The following AHRR variants were observed in gnomAD, a reference collection of about 807,000 sequenced individuals.
AHRR encodes the protein aryl hydrocarbon receptor repressor.
In AHRR, 28 loss-of-function variants were observed where a neutral mutation model predicts 44.0. The ratio of observed to expected loss-of-function variants is 0.64; its 90% confidence interval spans 0.47 to 0.87. The LOEUF (loss-of-function observed/expected upper bound fraction) is 0.87, where lower values mean the gene tolerates loss of function less well. Among genes scored for constraint, AHRR ranks in the 40% least tolerant of loss-of-function variants. AHRR has a pLI of 0.00. For synonymous variants in AHRR, 434 were observed against 407.0 expected (o/e 1.07, Z -0.80); for missense variants, 990 against 953.9 (o/e 1.04, Z -0.50).
chr5:386,171 A>G (rs1008499608), intron 4 of AHRR, among the ~76,000 whole-genome samples: 6 of 151,852 alleles, frequency 4.0e-5, no homozygotes, highest in African/African-American at 7.3e-5. Flanking sequence ...TAAGATCCTT[A>G]TCTATCATTA....
intron 1 of AHRR, among the ~76,000 whole-genome samples, chr5:340,832 G>T (rs1422571692): frequency 1.4e-5 from 2 of 146,832 alleles, no homozygotes; most frequent in African/African-American, 5.1e-5. Context: ...AAGTAGCTGG[G>T]ATTACAGGCA....
intron 5 of AHRR, among the ~76,000 whole-genome samples, chr5:420,259 C>G (rs548642066): frequency 1.3e-5 from 2 of 152,340 alleles, no homozygotes; most frequent in African/African-American, 4.8e-5. Context: ...AACCTGTTTT[C>G]ATAGAACAGG....
chr5:343,126 C>T (rs1226550215), intron 1 of AHRR, among the ~76,000 whole-genome samples: 3 of 152,070 alleles, frequency 2.0e-5, no homozygotes, highest in Non-Finnish European at 2.9e-5. Flanking sequence ...TGCTGTTGCC[C>T]TGCATGCGCT....
At chr5:408,524 T>C (rs1201961898) in intron 4 of AHRR, among the ~76,000 whole-genome samples, 4 of 152,210 alleles carry the variant, frequency 2.6e-5, no homozygotes, top group Non-Finnish European at 5.9e-5. Flanking sequence ...CTTTCATCCT[T>C]GGATTATATC....
intron 4 of AHRR, chr5:403,853 C>A: frequency 1.9e-6 from 3 of 1,578,106 alleles, no homozygotes; most frequent in South Asian, 2.2e-5. Context: ...GGACAAAGAA[C>A]CCACATTAAA....
intron 3 of AHRR, chr5:367,695 C>T (rs1743409848): frequency 1.6e-6 from 1 of 611,326 alleles, no homozygotes; most frequent in South Asian, 1.9e-5. Flanking sequence ...CTTTTAACAT[C>T]ACAGCCTCTG....
intron 4 of AHRR, among the ~76,000 whole-genome samples, chr5:389,974 T>C (rs1393587073): frequency 2.3e-5 from 3 of 130,040 alleles, no homozygotes; most frequent in Admixed American, 7.7e-5. Context: ...GGACAGAGGC[T>C]GGAAAGGACA....
Position 423,020 on chromosome 5 carries a change from C to G in AHRR, c.571+162C>G, listed in dbSNP as rs1579701984. On this transcript the variant is annotated intron_variant, in intron 6 of 10. Transcript: ENST00000684583. ...TTTCTTCAGAGGCCTCCTCCCATGT[C>G]CCTCCCTGTCCTCTGATTCGGCTGC... is the stretch of plus-strand genomic sequence containing the variant. Among the ~76,000 whole-genome samples, 4 of 152,186 alleles carry G rather than the reference C, an allele frequency of 2.6e-5. No homozygotes were observed. In the East Asian group the frequency reaches 7.7e-4, roughly 29 times the overall value.
chr5:328,255 ATTTTTTTTTTT>A (rs70955232), intron 1 of AHRR, among the ~76,000 whole-genome samples: 10 of 54,254 alleles, frequency 1.8e-4, no homozygotes, highest in East Asian at 7.5e-4. Context: ...CCAACATCTG[ATTTTTTTTTTT>A]TTTTTTTTTT....
intron 1 of AHRR, among the ~76,000 whole-genome samples, chr5:329,301 A>C (rs1741834917): frequency 6.6e-6 from 1 of 152,018 alleles, no homozygotes; most frequent in Non-Finnish European, 1.5e-5. Flanking sequence ...TGGGCCCAAG[A>C]GATTGTCTGG....
At chr5:408,473 A>G (rs1240124773) in intron 4 of AHRR, among the ~76,000 whole-genome samples, 3 of 151,652 alleles carry the variant, frequency 2.0e-5, no homozygotes. Flanking sequence ...ATCTGTAAAT[A>G]TGGTCTTTTA....
rs1381495495 is a variant in AHRR, at chr5:338,420, T to G, written c.-10-5473T>G. Among the ~76,000 whole-genome samples, 1 of 152,204 alleles carries G rather than the reference T, an allele frequency of 6.6e-6. No homozygotes were observed. Among genetic ancestry groups the G allele is most frequent in the Non-Finnish European group, 1.5e-5 (1 of 68,028 alleles). On this transcript the variant is annotated intron_variant, in intron 1 of 10. Transcript: ENST00000684583. The surrounding 1 kb of genome is among the most constrained non-coding windows in gnomAD (Gnocchi z 4.1). Reference sequence around the variant, plus strand: ...AATGATGTTTTCATAAGATGTAGAATTCTAGGTTTCAGGGTTTTTTCTTTC... The same window carrying G: ...AATGATGTTTTCATAAGATGTAGAAGTCTAGGTTTCAGGGTTTTTTCTTTC...
intron 4 of AHRR, among the ~76,000 whole-genome samples, chr5:394,763 C>A (rs1402640790): frequency 6.6e-6 from 1 of 152,246 alleles, no homozygotes; most frequent in Admixed American, 6.5e-5. Flanking sequence ...CCGGACAGGG[C>A]TGGCCCTGGT....
At chr5:424,006 TC>T in intron 7 of AHRR, 29 bp downstream of exon 7, 1 of 1,584,544 alleles carries the variant, frequency 6.3e-7, no homozygotes, top group Non-Finnish European at 8.5e-7. Context: ...GGCAGGGGGC[TC>T]CCGACATCTG....
chr5:397,697 C>G (rs1734797276), intron 4 of AHRR, among the ~76,000 whole-genome samples: 1 of 140,134 alleles, frequency 7.1e-6, no homozygotes. Context: ...CCTGACCATC[C>G]ACGTAGCCCC....
rs1741598883 is a variant in AHRR, at chr5:323,916, C to T, written c.-11+2097C>T. Among the ~76,000 whole-genome samples, 3 of 152,012 alleles carry T rather than the reference C, an allele frequency of 2.0e-5. No individual in the cohort carries two copies. The South Asian group carries it at 6.2e-4, about 32-fold the overall frequency. ...AGGCCGATCTGCTAGGGGCTGATGA[C>T]TCGGGTAGGAAAGACTTGGCGGCCC... On this transcript the variant is annotated intron_variant, in intron 1 of 10. Transcript: ENST00000684583.
intron 4 of AHRR, among the ~76,000 whole-genome samples, chr5:397,563 T>C (rs1430044170): frequency 2.1e-5 from 1 of 48,442 alleles, no homozygotes; most frequent in Non-Finnish European, 4.1e-5. Context: ...CCCCTGACCA[T>C]GTTAGCCCCT....
At chr5:323,043 C>T (rs1252859098) in intron 1 of AHRR, among the ~76,000 whole-genome samples, 1 of 152,248 alleles carries the variant, frequency 6.6e-6, no homozygotes, top group African/African-American at 2.4e-5. Flanking sequence ...CCTGGCCGAC[C>T]CCTCTGTCCC....
chr5:374,815 A>AAACCGCAGCCTGGACCTG (rs1743721115), intron 3 of AHRR, among the ~76,000 whole-genome samples: 1 of 152,244 alleles, frequency 6.6e-6, no homozygotes, highest in South Asian at 2.1e-4. Flanking sequence ...AATGGCTCCC[A>AAACCGCAGCCTGGACCTG]GTATGGCCTT....
Sources: allele counts gnomAD v4.1 joint callset (sites outside exome capture counted in the v4.1 genomes callset), GRCh38; gene constraint gnomAD v4.1.1; non-coding constraint Gnocchi (gnomAD v3.1); transcripts MANE v1.5; gene names NCBI Gene and HGNC (gene_info 2026-07-23, HGNC 2026-07-21).